The following NECAB2 variants were observed in gnomAD, a reference collection of about 807,000 sequenced individuals.
NECAB2 encodes the protein N-terminal EF-hand calcium binding protein 2, also known as N-terminal EF-hand calcium-binding protein 2.
In NECAB2, 68 loss-of-function variants were observed where a neutral mutation model predicts 51.9. That is an observed-to-expected ratio of 1.31 (90% CI 1.08 to 1.60). The LOEUF is 1.60. Ranked by LOEUF, NECAB2 falls within the 40% of genes most tolerant of loss-of-function variation. The pLI, the probability that NECAB2 is intolerant of heterozygous loss-of-function variation, is 0.00. For missense variants in NECAB2, 854 were observed against 490.3 expected (o/e 1.74, Z -7.00); for synonymous variants, 329 against 203.5 (o/e 1.62, Z -5.25).
In NECAB2 at chr16:83,998,401, C is replaced by T. The variant is rs112362129; in HGVS notation, c.962+84C>T. The T allele has an allele frequency of 4.8e-5, 64 of 1,333,954 alleles. 1 individual carries two copies. In the African/African-American group the frequency reaches 6.2e-4, roughly 13 times the overall value. The allele number at this position is 1,333,954 out of a possible 1,614,324, so 82.6% of individuals were successfully genotyped here. A position where few individuals can be genotyped will look rare whatever the true frequency, so the allele number is the denominator to read the frequency against. ...AGGAACAGGGCAGGACTAGGCTTTG[C>T]CCTAAGTAGTACAAGTTGCACCCCA... On this transcript the variant is annotated intron_variant, in intron 10 of 12. Coordinates refer to ENST00000305202, the MANE Select transcript of NECAB2 (RefSeq NM_019065.3).
At chr16:83,980,120 C>T (rs1195882004) in intron 3 of NECAB2, among the ~76,000 whole-genome samples, 1 of 152,178 alleles carries the variant, frequency 6.6e-6, no homozygotes, top group African/African-American at 2.4e-5. Context: ...GGGACCTAGG[C>T]CCAGAAAGGG....
intron 2 of NECAB2, among the ~76,000 whole-genome samples, chr16:83,976,632 G>C (rs1309730212): frequency 2.6e-5 from 4 of 152,130 alleles, no homozygotes; most frequent in Non-Finnish European, 5.9e-5. Context: ...GGTTGGATTG[G>C]GGTTTTTTTG....
rs980706331 is a variant in NECAB2, at chr16:84,002,409, T to G, written c.*63T>G. On this transcript the variant is annotated 3_prime_UTR_variant, in exon 13 of 13. Transcript: ENST00000305202. The stretch of plus-strand genomic sequence containing the variant: ...CTTCTTCTTGTGAAGGAAATCCCGT[T>G]TTTTTCTAGACAGACACTTTGGTGC... 2.7e-6 allele frequency: 4 copies of G among 1,462,224 alleles called. No individual in the cohort carries two copies. The highest frequency in any genetic ancestry group is 1.2e-5 in the South Asian group (1 of 83,920). The allele number at this position is 1,462,224 out of a possible 1,614,324, so 90.6% of individuals were successfully genotyped here. A position where few individuals can be genotyped will look rare whatever the true frequency, so the allele number is the denominator to read the frequency against.
chr16:83,992,725 A>G (rs1472927392), intron 6 of NECAB2, among the ~76,000 whole-genome samples: 1 of 152,198 alleles, frequency 6.6e-6, no homozygotes, highest in Non-Finnish European at 1.5e-5. Flanking sequence ...TGGGAAAATT[A>G]AAATACACAT....
At chr16:83,983,320 C>G (rs1458781331) in intron 5 of NECAB2, among the ~76,000 whole-genome samples, 1 of 152,164 alleles carries the variant, frequency 6.6e-6, no homozygotes, top group Non-Finnish European at 1.5e-5. Flanking sequence ...CTAACACGTG[C>G]CCCTCTTGCT....
chr16:84,000,284 C>G (rs919575997), intron 10 of NECAB2, among the ~76,000 whole-genome samples: 3 of 150,654 alleles, frequency 2.0e-5, no homozygotes, highest in Non-Finnish European at 2.9e-5. Flanking sequence ...AATCCTGGCA[C>G]TTTGGGAAGC....
intron 6 of NECAB2, among the ~76,000 whole-genome samples, chr16:83,994,059 G>A (rs1412325341): frequency 6.6e-6 from 1 of 152,206 alleles, no homozygotes; most frequent in African/African-American, 2.4e-5. Flanking sequence ...GGCCTAGGCC[G>A]TGGGGTCCTA....
chr16:84,002,181 T>C, intron 12 of NECAB2, 137 bp from the exon 13 acceptor site: 1 of 1,199,754 alleles, frequency 8.3e-7, no homozygotes, highest in Non-Finnish European at 1.2e-6. Context: ...GGTTTGCACC[T>C]GGGTGACCAG....
At chr16:83,970,455 C>T (rs1467131989) in intron 1 of NECAB2, among the ~76,000 whole-genome samples, 1 of 152,108 alleles carries the variant, frequency 6.6e-6, no homozygotes, top group Non-Finnish European at 1.5e-5. Context: ...GAGGTTCAGC[C>T]AGGAGGAGGG....
intron 10 of NECAB2, among the ~76,000 whole-genome samples, chr16:84,000,455 C>A (rs1287477837): frequency 6.6e-6 from 1 of 152,194 alleles, no homozygotes; most frequent in East Asian, 1.9e-4. Context: ...TGCACTCCAG[C>A]CTGGGCAACA....
intron 10 of NECAB2, among the ~76,000 whole-genome samples, chr16:83,999,227 G>A (rs981005588): frequency 5.3e-5 from 8 of 152,122 alleles, no homozygotes; most frequent in African/African-American, 1.4e-4. Flanking sequence ...CCCGAGACTC[G>A]GCGTGGCCAC....
intron 5 of NECAB2, among the ~76,000 whole-genome samples, chr16:83,987,482 G>C (rs1286349978): frequency 2.0e-5 from 3 of 152,138 alleles, no homozygotes; most frequent in Non-Finnish European, 4.4e-5. Flanking sequence ...AAAGTATAAA[G>C]AAAATTCAAA....
chr16:83,991,432 T>G (rs1207412607), intron 6 of NECAB2, among the ~76,000 whole-genome samples: 1 of 148,094 alleles, frequency 6.8e-6, no homozygotes, highest in Non-Finnish European at 1.5e-5. Flanking sequence ...AGTGGCGAGA[T>G]CTCAGCTCAC....
chr16:84,000,987 G>C (rs373725216), intron 11 of NECAB2, among the ~76,000 whole-genome samples, 186 bp downstream of exon 11: 3,718 of 151,492 alleles, frequency 0.025, 156 homozygotes, highest in African/African-American at 0.085. Context: ...TTGGTGGGTA[G>C]TGAGAGCCCC....
intron 5 of NECAB2, among the ~76,000 whole-genome samples, chr16:83,985,278 A>C (rs897530079): frequency 8.1e-6 from 1 of 122,704 alleles, no homozygotes; most frequent in African/African-American, 2.9e-5. Context: ...GCGCCATTGC[A>C]CTCCAGCCTG....
chr16:83,995,063 A>G (rs2084678093), intron 8 of NECAB2, among the ~76,000 whole-genome samples: 1 of 152,218 alleles, frequency 6.6e-6, no homozygotes, highest in African/African-American at 2.4e-5. Context: ...CAGCACCAGG[A>G]TGAAAGAGAG....
At chr16:83,996,375 C>T (rs529589598) in intron 8 of NECAB2, among the ~76,000 whole-genome samples, 2 of 152,192 alleles carry the variant, frequency 1.3e-5, no homozygotes, top group Non-Finnish European at 1.5e-5. Flanking sequence ...GCAAAATGAG[C>T]GTGCAAGGTC....
chr16:83,989,598 G>C (rs2084596319), intron 5 of NECAB2, among the ~76,000 whole-genome samples: 1 of 152,190 alleles, frequency 6.6e-6, no homozygotes, highest in Non-Finnish European at 1.5e-5. Context: ...CAGGAGAGCA[G>C]GGCAGGGTTT....
chr16:83,977,453 CT>C (rs1196367055), intron 2 of NECAB2, among the ~76,000 whole-genome samples: 4 of 152,146 alleles, frequency 2.6e-5, no homozygotes, highest in African/African-American at 9.6e-5. Context: ...GTGGCCCAAT[CT>C]GATCCAAACC....
Sources: allele counts gnomAD v4.1 joint callset (sites outside exome capture counted in the v4.1 genomes callset), GRCh38; gene constraint gnomAD v4.1.1; transcripts MANE v1.5; gene names NCBI Gene and HGNC (gene_info 2026-07-23, HGNC 2026-07-21).